The following MUS81 variants were observed in gnomAD, a reference collection of about 807,000 sequenced individuals.
MUS81 encodes the protein structure-specific endonuclease subunit MUS81.
A neutral mutation model predicts 74.2 loss-of-function variants in MUS81; 69 were observed. That is an observed-to-expected ratio of 0.93 (90% CI 0.77 to 1.14). The LOEUF (loss-of-function observed/expected upper bound fraction) is 1.14. MUS81 is among the 50% of genes most tolerant of loss of function. The pLI, the probability that MUS81 is intolerant of heterozygous loss-of-function variation, is 0.00. For missense variants in MUS81, 711 were observed against 726.5 expected, an observed-to-expected ratio of 0.98 and a Z score of 0.25; for synonymous variants, 303 against 300.6, an observed-to-expected ratio of 1.01 and a Z score of -0.08.
chr11:65,863,477 T>A lies in MUS81; in HGVS notation c.814T>A (p.Cys272Ser). 1 of 1,613,932 alleles carries A rather than the reference T, an allele frequency of 6.2e-7. No homozygotes were observed. Among genetic ancestry groups the A allele is most frequent in the South Asian group, 1.1e-5 (1 of 91,066 alleles). Reference sequence around the variant, plus strand: ...GCCTGGAGAGTACAGGGTGCTGTTGTGTGTGGACATTGGCGAGACCCGGGG... The same window carrying A: ...GCCTGGAGAGTACAGGGTGCTGTTGAGTGTGGACATTGGCGAGACCCGGGG... ...LRPGEYRVLL[C>S]VDIGETRGGG... The change falls in exon 8 of 16, where the codon TGT becomes AGT. Residue 272 changes from cysteine (C) to serine (S), a missense_variant. Physicochemically the swap from Cys to Ser is moderately radical, Grantham distance 112. Coordinates refer to ENST00000308110, the MANE Select transcript of MUS81 (RefSeq NM_025128.5).
At chr11:65,862,190 T>A in intron 4 of MUS81, 21 bp from the exon 5 acceptor site, 1 of 1,612,632 alleles carries the variant, frequency 6.2e-7, no homozygotes, top group Non-Finnish European at 8.5e-7. Flanking sequence ...GCCTACCCTG[T>A]CTTTTCTACC....
intron 14 of MUS81, 51 bp downstream of exon 14, chr11:65,865,374 G>A (rs1284398446): frequency 3.9e-5 from 61 of 1,547,210 alleles, no homozygotes; most frequent in Non-Finnish European, 5.3e-5. Flanking sequence ...CTCCATGCAT[G>A]GAATTCACCT....
chr11:65,865,203 C>T lies in MUS81; in HGVS notation c.1402-17C>T. 2 of 1,614,162 alleles carry T rather than the reference C, an allele frequency of 1.2e-6. No homozygotes were observed. Among genetic ancestry groups the T allele is most frequent in the Non-Finnish European group, 8.5e-7 (1 of 1,179,982 alleles). On this transcript the variant is annotated splice_polypyrimidine_tract_variant and intron_variant, in intron 13 of 15. Coordinates refer to ENST00000308110, the MANE Select transcript of MUS81 (RefSeq NM_025128.5). The stretch of plus-strand genomic sequence containing the variant: ...CTGGCCCAGACCCCCACTGATCCAG[C>T]CCTTTCCCGAACCCAGGCCCAGTCG...
chr11:65,861,296 C>T (rs1011827043), intron 2 of MUS81, 54 bp from the exon 3 acceptor site: 4 of 1,550,936 alleles, frequency 2.6e-6, no homozygotes, highest in Non-Finnish European at 3.5e-6. Context: ...CATCCCAGAT[C>T]CTCGCAGCTG....
intron 12 of MUS81, 94 bp from the exon 13 acceptor site, chr11:65,864,923 C>T: frequency 6.3e-7 from 1 of 1,582,976 alleles, no homozygotes; most frequent in Non-Finnish European, 8.6e-7. Flanking sequence ...ATCCCCATTT[C>T]TCAGGCTGGC....
Position 65,863,425 on chromosome 11 carries a change from G to T in MUS81, c.762G>T (p.Gly254=), listed in dbSNP as rs1166195531. Reference sequence around the variant, plus strand: ...CCCCACTTAGTGCCAGTGAAGCAGGGGTCCAGCAGCAGCCACTGGAGCTGA... The same window carrying T: ...CCCCACTTAGTGCCAGTGAAGCAGGTGTCCAGCAGCAGCCACTGGAGCTGA... ...AASAELASEA[G]VQQQPLELRP... The change falls in exon 8 of 16, where the codon GGG becomes GGT. Residue 254 remains glycine (G), a synonymous_variant. Transcript: ENST00000308110. The T allele has an allele frequency of 6.2e-7, 1 of 1,614,150 alleles. No individual in the cohort carries two copies.
chr11:65,861,152 G>A, intron 2 of MUS81, 50 bp downstream of exon 2: 1 of 1,609,436 alleles, frequency 6.2e-7, no homozygotes, highest in Non-Finnish European at 8.5e-7. Context: ...CCCAGGTGGA[G>A]CCTCCGTACT....
chr11:65,863,098 C>T lies in MUS81; in HGVS notation c.639C>T (p.Ala213=), dbSNP rs1313040946. The T allele has an allele frequency of 2.5e-6, 4 of 1,614,062 alleles. No homozygotes were observed. The highest frequency in any genetic ancestry group is 1.7e-4 in the Middle Eastern group (1 of 6,060). ...YSLTPEGLEL[A]QKLAESEGLS... Reference sequence around the variant, plus strand: ...TGACCCCAGAGGGCCTGGAGCTGGCCCAGAAGTTGGCCGAGTCAGAAGGCC... The same window carrying T: ...TGACCCCAGAGGGCCTGGAGCTGGCTCAGAAGTTGGCCGAGTCAGAAGGCC... Residue 213 remains alanine (A), a synonymous_variant, in exon 7 of 16, where the codon GCC becomes GCT. Coordinates refer to ENST00000308110, the MANE Select transcript of MUS81 (RefSeq NM_025128.5).
rs1169190237 is a variant in MUS81 at position 65,864,146 on chromosome 11, C to T, written c.1059+245C>T. 3 of 595,444 alleles carry T rather than the reference C, an allele frequency of 5.0e-6. No individual in the cohort carries two copies. The Admixed American group carries it at 8.9e-5, about 18-fold the overall frequency. 36.9% of individuals were successfully genotyped at this position (595,444 alleles called of 1,614,324 possible). On this transcript the variant is annotated intron_variant, in intron 10 of 15. Transcript: ENST00000308110. Reference sequence around the variant, plus strand: ...TTTTAAAGACCTCTTGGGTACCCAGCCCCTGCAGTCTTGGATAAACAAGGC... The same window carrying T: ...TTTTAAAGACCTCTTGGGTACCCAGTCCCTGCAGTCTTGGATAAACAAGGC...
intron 10 of MUS81, chr11:65,864,212 T>C: frequency 1.7e-6 from 1 of 584,332 alleles, no homozygotes; most frequent in South Asian, 2.0e-5. Context: ...TGTACCTTGG[T>C]ACTTGCTGCT....
intron 14 of MUS81, 186 bp downstream of exon 14, chr11:65,865,509 G>A: frequency 1.5e-6 from 1 of 671,108 alleles, no homozygotes. Context: ...AGTGTCCCAG[G>A]TAGTGGAGGC....
Position 65,863,657 on chromosome 11 carries a change from G to C in MUS81, c.897G>C (p.Thr299=). Reference sequence around the variant, plus strand: ...TACAGCGGCTGCACGTGACCCACACGGTGCGCAAGCTGCACGTTGGAGATT... The same window carrying C: ...TACAGCGGCTGCACGTGACCCACACCGTGCGCAAGCTGCACGTTGGAGATT... ...RELQRLHVTH[T]VRKLHVGDFV... Residue 299 remains threonine, a synonymous_variant, in exon 9 of 16, where the codon ACG becomes ACC. Transcript: ENST00000308110. The C allele has an allele frequency of 6.2e-7, 1 of 1,614,054 alleles. No individual in the cohort carries two copies.
In MUS81 at chr11:65,862,192, T is replaced by C. The variant is rs377680053; in HGVS notation, c.451-19T>C. The C allele has an allele frequency of 5.4e-5, 87 of 1,612,888 alleles. No homozygotes were observed. In the African/African-American group the frequency reaches 1.1e-3, roughly 20 times the overall value. ...GCCCTGGCACTGAGCCTACCCTGTC[T>C]TTTCTACCTTGGTTTCAGAATCCTA... is the stretch of plus-strand genomic sequence containing the variant. On this transcript the variant is annotated intron_variant, in intron 4 of 15. Coordinates refer to ENST00000308110, the MANE Select transcript of MUS81 (RefSeq NM_025128.5).
intron 3 of MUS81, 192 bp from the exon 4 acceptor site, chr11:65,861,755 C>G (rs1378366665): frequency 3.2e-6 from 2 of 621,628 alleles, no homozygotes; most frequent in Non-Finnish European, 5.8e-6. Context: ...CAGACACCCC[C>G]ACCCACTGCC....
Position 65,865,981 on chromosome 11 carries a change from T to G in MUS81, c.1590-5T>G, listed in dbSNP as rs375033966. On this transcript the variant is annotated splice_region_variant and splice_polypyrimidine_tract_variant and intron_variant, in intron 15 of 15. Transcript: ENST00000308110. ...GCGTGACCCTCGCTGCCTCTCTTCC[T>G]GCAGGAATCTGGGGCCTGCTCTGAG... 6.2e-7 allele frequency: 1 copy of G among 1,614,000 alleles called. No homozygotes were observed. The highest frequency in any genetic ancestry group is 1.1e-5 in the South Asian group (1 of 91,084).
At chr11:65,863,303 G>T in intron 7 of MUS81, 98 bp downstream of exon 7, 1 of 1,580,708 alleles carries the variant, frequency 6.3e-7, no homozygotes, top group Admixed American at 1.8e-5. Flanking sequence ...CTGAACTGTG[G>T]CTGCCTCCCT....
Position 65,864,018 on chromosome 11 carries a change from C to T in MUS81, c.1059+117C>T. On this transcript the variant is annotated intron_variant, in intron 10 of 15. Transcript: ENST00000308110. ...TGAGGCAGAGCCCTTTGGAATCCAGCCACACCCACCCTGTGGCTGCTCCAG... is the reference window on the plus strand; with the variant it reads ...TGAGGCAGAGCCCTTTGGAATCCAGTCACACCCACCCTGTGGCTGCTCCAG... 3 of 983,486 alleles carry T rather than the reference C, an allele frequency of 3.1e-6. No individual in the cohort carries two copies. In the South Asian group the frequency reaches 4.2e-5, roughly 14 times the overall value. 60.9% of individuals were successfully genotyped at this position (983,486 alleles called of 1,614,324 possible). A position where few individuals can be genotyped will look rare whatever the true frequency, so the allele number is the denominator to read the frequency against.
At chr11:65,863,924 G>C (rs565049202) in intron 10 of MUS81, 23 bp downstream of exon 10, 85 of 1,611,574 alleles carry the variant, frequency 5.3e-5, no homozygotes, top group Non-Finnish European at 6.7e-5. Flanking sequence ...GCTTTGCCAG[G>C]CTTCCCTGCC....
intron 10 of MUS81, chr11:65,864,247 C>G (rs2134735437): frequency 6.8e-6 from 4 of 589,424 alleles, no homozygotes; most frequent in Non-Finnish European, 1.2e-5. Context: ...TCACAGAGGC[C>G]ATGTGCCGGC....
Sources: allele counts gnomAD v4.1 joint callset, GRCh38; gene constraint gnomAD v4.1.1; transcripts MANE v1.5; gene names NCBI Gene and HGNC (gene_info 2026-07-23, HGNC 2026-07-21).